Variants in SNX29 observed in about 807,000 individuals in gnomAD.
The protein encoded by SNX29 is sorting nexin 29.
Under a neutral mutation model 102.1 loss-of-function variants are expected in SNX29, and 78 were observed. The ratio of observed to expected loss-of-function variants is 0.76; its 90% CI spans 0.64 to 0.92. The LOEUF (loss-of-function observed/expected upper bound fraction) is 0.92. Among genes scored for constraint, SNX29 ranks in the 40% least tolerant of loss-of-function variants. The pLI, the probability that SNX29 is intolerant of heterozygous loss-of-function variation, is 0.00. For synonymous variants in SNX29, 580 were observed against 414.5 expected, an observed-to-expected ratio of 1.40 and a Z score of -4.85; for missense variants, 1,280 against 1,061.7, an observed-to-expected ratio of 1.21 and a Z score of -2.86.
chr16:12,475,402 CTT>C (rs1482014753), intron 18 of SNX29, among the ~76,000 whole-genome samples: 2 of 152,154 alleles, frequency 1.3e-5, no homozygotes, highest in Non-Finnish European at 2.9e-5. Flanking sequence ...TTATCAAACT[CTT>C]TTTGTAAAGG....
intron 19 of SNX29, chr16:12,515,670 T>G (rs531176832): frequency 6.3e-4 from 301 of 480,066 alleles, no homozygotes; most frequent in Non-Finnish European, 1.1e-3. Flanking sequence ...GTGCCAGCAC[T>G]CTTTATGATG....
intron 15 of SNX29, among the ~76,000 whole-genome samples, chr16:12,306,206 G>C (rs1449219566): frequency 2.6e-5 from 4 of 152,134 alleles, no homozygotes. Flanking sequence ...CTGTCAACTG[G>C]AATGGCTTTG....
chr16:12,230,294 CAA>C (rs1055089753), intron 14 of SNX29, among the ~76,000 whole-genome samples: 4 of 152,184 alleles, frequency 2.6e-5, no homozygotes, highest in African/African-American at 7.2e-5. Flanking sequence ...CCCGTTTGGG[CAA>C]AGAGTCAAGC....
intron 16 of SNX29, among the ~76,000 whole-genome samples, chr16:12,373,194 G>A (rs975633993): frequency 6.6e-6 from 1 of 152,112 alleles, no homozygotes; most frequent in African/African-American, 2.4e-5. Context: ...GTGCAGTGGT[G>A]CAGTCATAGC....
intron 15 of SNX29, among the ~76,000 whole-genome samples, chr16:12,315,147 T>C (rs2080690105): frequency 6.6e-6 from 1 of 152,202 alleles, no homozygotes; most frequent in African/African-American, 2.4e-5. Flanking sequence ...AGGGGAATGA[T>C]AGAACCCCTG....
intron 20 of SNX29, among the ~76,000 whole-genome samples, chr16:12,559,365 G>A (rs2078578756): frequency 6.6e-6 from 1 of 151,498 alleles, no homozygotes; most frequent in Non-Finnish European, 1.5e-5. Flanking sequence ...AGAATCTCAT[G>A]CCTGATGATC....
Position 12,266,807 on chromosome 16 carries a change from AGG to A in SNX29, c.1679-11125_1679-11124del, listed in dbSNP as rs2078942547. Among the ~76,000 whole-genome samples the A allele has an allele frequency of 4.6e-5, 7 of 151,918 alleles. No individual in the cohort carries two copies. In the South Asian group the frequency reaches 1.5e-3, roughly 32 times the overall value. On this transcript the variant is annotated intron_variant, in intron 14 of 20. Coordinates refer to ENST00000566228, the MANE Select transcript of SNX29 (RefSeq NM_032167.5). Reference sequence around the variant, plus strand: ...GAGATGGAGTCTTGCTCTGCCACCCAGGCTGAAGTGCAGTGGCACAATCTCAG... The same window carrying A: ...GAGATGGAGTCTTGCTCTGCCACCCACTGAAGTGCAGTGGCACAATCTCAG...
intron 18 of SNX29, among the ~76,000 whole-genome samples, chr16:12,409,157 C>T (rs1035660834): frequency 6.6e-6 from 1 of 152,146 alleles, no homozygotes; most frequent in East Asian, 1.9e-4. Context: ...TGTGCTGATG[C>T]GTGGCTGCTG....
At chr16:12,305,101 TG>T (rs1712490360) in intron 15 of SNX29, among the ~76,000 whole-genome samples, 1 of 152,230 alleles carries the variant, frequency 6.6e-6, no homozygotes, top group African/African-American at 2.4e-5. Context: ...TATAAAAATC[TG>T]GTTATTTCGG....
In SNX29 at chr16:12,566,926, G is replaced by T. The variant is rs185520485; in HGVS notation, c.2319-1580G>T. On this transcript the variant is annotated intron_variant, in intron 20 of 20. Transcript: ENST00000566228. ...AATCATTAAAAGGGGTCTTCATTTT[G>T]TTAGCTTATCAGGGTGTCAAACTTG... Among the ~76,000 whole-genome samples the T allele has an allele frequency of 4.6e-3, 700 of 152,352 alleles. 4 individuals carry two copies. The highest frequency in any genetic ancestry group is 7.2e-3 in the Non-Finnish European group (487 of 68,024).
At chr16:12,380,355 A>G (rs1310924363) in intron 16 of SNX29, among the ~76,000 whole-genome samples, 1 of 18,260 alleles carries the variant, frequency 5.5e-5, no homozygotes, top group Non-Finnish European at 1.1e-4. Context: ...CCATCCCTTC[A>G]CCTGTCATCC....
intron 15 of SNX29, among the ~76,000 whole-genome samples, chr16:12,315,171 A>C (rs1468525711): frequency 1.3e-5 from 2 of 152,212 alleles, no homozygotes; most frequent in African/African-American, 4.8e-5. Context: ...ACTGTGAAGC[A>C]GAAGAAGAGT....
chr16:12,448,175 T>A (rs1396650593), intron 18 of SNX29, among the ~76,000 whole-genome samples: 3 of 152,198 alleles, frequency 2.0e-5, no homozygotes, highest in Non-Finnish European at 4.4e-5. Flanking sequence ...CAAGGACACA[T>A]AGCTTGTAAG....
intron 15 of SNX29, among the ~76,000 whole-genome samples, chr16:12,309,751 G>A (rs187899905): frequency 1.3e-5 from 2 of 152,274 alleles, no homozygotes; most frequent in Admixed American, 1.3e-4. Flanking sequence ...TTAGTATCTG[G>A]CTGCAGGTAT....
chr16:12,430,059 G>A (rs1025797670), intron 18 of SNX29, among the ~76,000 whole-genome samples: 1 of 152,228 alleles, frequency 6.6e-6, no homozygotes, highest in African/African-American at 2.4e-5. Flanking sequence ...TGTCAGATCA[G>A]CAGTGGCATC....
At chr16:12,349,422 T>C (rs1197974898) in intron 15 of SNX29, among the ~76,000 whole-genome samples, 3 of 152,234 alleles carry the variant, frequency 2.0e-5, no homozygotes, top group Non-Finnish European at 4.4e-5. Flanking sequence ...TTTTCAAGGC[T>C]AAATGGACAC....
In SNX29 at chr16:12,247,301, A is replaced by AC. The variant is rs1156825189; in HGVS notation, c.1679-30630dup. 3.3e-5 allele frequency among the ~76,000 whole-genome samples: 5 copies of AC among 152,288 alleles called. No individual in the cohort carries two copies. In the South Asian group the frequency reaches 6.2e-4, roughly 19 times the overall value. On this transcript the variant is annotated intron_variant, in intron 14 of 20. Transcript: ENST00000566228. ...GGGTATGGGAGATAAAGTGGACAAG[A>AC]CCAGGAGTCCATGGCTTGCATTTTT... is the stretch of plus-strand genomic sequence containing the variant.
At chr16:12,438,211 G>A (rs912337154) in intron 18 of SNX29, among the ~76,000 whole-genome samples, 4 of 152,128 alleles carry the variant, frequency 2.6e-5, no homozygotes, top group Admixed American at 2.0e-4. Context: ...TGACTTGAAG[G>A]CAGCCACCAG....
At chr16:12,211,576 G>C (rs985468952) in intron 14 of SNX29, among the ~76,000 whole-genome samples, 2 of 151,918 alleles carry the variant, frequency 1.3e-5, no homozygotes, top group Non-Finnish European at 2.9e-5. Flanking sequence ...GTGTGTGTCT[G>C]TGTGTGTAGA....
Sources: allele counts gnomAD v4.1 joint callset (sites outside exome capture counted in the v4.1 genomes callset), GRCh38; gene constraint gnomAD v4.1.1; transcripts MANE v1.5; gene names NCBI Gene and HGNC (gene_info 2026-07-23, HGNC 2026-07-21).